The following RHAG variants were observed in gnomAD, a reference collection of about 807,000 sequenced individuals.
RHAG encodes ammonium transporter Rh type A.
RHAG carries 25 observed loss-of-function variants against 42.4 expected under a neutral mutation model. The observed-to-expected ratio is 0.59, with a 90% CI of 0.43 to 0.82. The LOEUF is 0.82. RHAG is among the 40% of genes least tolerant of loss of function. The pLI, the probability that RHAG is intolerant of heterozygous loss-of-function variation, is 0.00. For synonymous variants in RHAG, 182 were observed against 177.7 expected (o/e 1.02, Z -0.19); for missense variants, 483 against 504.6 (o/e 0.96, Z 0.41).
At chr6:49,618,004 A>G (rs2127353224) in intron 3 of RHAG, 64 bp downstream of exon 3, 1 of 1,476,418 alleles carries the variant, frequency 6.8e-7, no homozygotes, top group Non-Finnish European at 9.4e-7. Context: ...GTAGACACCC[A>G]TTGTTTTTTT....
chr6:49,634,966 G>GTACACC (rs760780105), intron 1 of RHAG, among the ~76,000 whole-genome samples: 1 of 144,690 alleles, frequency 6.9e-6, no homozygotes, highest in Non-Finnish European at 1.5e-5. Flanking sequence ...CTGTGTGTGT[G>GTACACC]TGTGTGTGTG....
intron 9 of RHAG, 64 bp from the exon 10 acceptor site, chr6:49,605,894 A>G: frequency 1.5e-6 from 2 of 1,298,852 alleles, no homozygotes; most frequent in South Asian, 1.2e-5. Context: ...AGAAATTAGT[A>G]TTGAAACAAA....
At chr6:49,623,846 C>T (rs1160069089) in intron 1 of RHAG, among the ~76,000 whole-genome samples, 2 of 152,180 alleles carry the variant, frequency 1.3e-5, no homozygotes, top group Non-Finnish European at 2.9e-5. Context: ...TTTCTTTAAA[C>T]ATTTTAGACC....
At chr6:49,612,241 C>T (rs1762580623) in intron 6 of RHAG, among the ~76,000 whole-genome samples, 156 bp downstream of exon 6, 1 of 152,132 alleles carries the variant, frequency 6.6e-6, no homozygotes, top group African/African-American at 2.4e-5. Context: ...ACCACTGAAC[C>T]ACTGAAATGG....
At chr6:49,607,246 A>C (rs375376615) in intron 7 of RHAG, 26 bp from the exon 8 acceptor site, 2 of 1,596,036 alleles carry the variant, frequency 1.3e-6, no homozygotes, top group East Asian at 2.2e-5. Flanking sequence ...AAAAAGAATC[A>C]GTGTCTTTCC....
intron 2 of RHAG, 87 bp downstream of exon 2, chr6:49,619,092 C>A (rs1762706917): frequency 1.4e-6 from 2 of 1,456,996 alleles, no homozygotes; most frequent in Admixed American, 3.6e-5. Flanking sequence ...AGTCCCCCAC[C>A]TCTTAATATC....
intron 1 of RHAG, chr6:49,632,212 G>A (rs1762945741): frequency 1.3e-5 from 2 of 152,048 alleles, no homozygotes; most frequent in South Asian, 4.2e-4. Flanking sequence ...TGGTATCTCA[G>A]AAAAAAAGCA....
chr6:49,605,657 T>C lies in RHAG; in HGVS notation c.*156A>G. On this transcript the variant is annotated 3_prime_UTR_variant, in exon 10 of 10. Coordinates refer to ENST00000371175, the MANE Select transcript of RHAG (RefSeq NM_000324.3). The stretch of plus-strand genomic sequence containing the variant: ...CACTGGCCATTTGGGACTTAGGATC[T>C]ATTCACTCTGGTCCATACTCTCTTT... 1 of 757,172 alleles carries C rather than the reference T, an allele frequency of 1.3e-6. No individual in the cohort carries two copies. The highest frequency in any genetic ancestry group is 2.4e-6 in the Non-Finnish European group (1 of 413,128). The allele number at this position is 757,172 out of a possible 1,614,324, so 46.9% of individuals were successfully genotyped here.
chr6:49,618,013 T>C, intron 3 of RHAG, 55 bp downstream of exon 3: 1 of 1,551,826 alleles, frequency 6.4e-7, no homozygotes, highest in Middle Eastern at 1.7e-4. Flanking sequence ...CATTGTTTTT[T>C]TGTAGCCAGA....
chr6:49,614,728 C>A lies in RHAG; in HGVS notation c.766G>T (p.Ala256Ser). The A allele has an allele frequency of 6.2e-7, 1 of 1,613,996 alleles. No individual in the cohort carries two copies. The highest frequency in any genetic ancestry group is 8.5e-7 in the Non-Finnish European group (1 of 1,180,002). ...CGGTGCTCCACTAGGCTGGAGAAGG[C>A]AAAGGCTGTGAGCACACAGGCAGCG... ...SLAACVLTAF[A>S]FSSLVEHRGK... The change falls in exon 5 of 10, where the codon GCC becomes TCC. Residue 256 changes from alanine to serine, a missense_variant. Ala to Ser is a moderately conservative substitution (Grantham distance 99). Transcript: ENST00000371175.
Position 49,622,435 on chromosome 6 carries a change from C to T in RHAG, c.158-3073G>A, listed in dbSNP as rs182452305. 3.7e-3 allele frequency among the ~76,000 whole-genome samples: 568 copies of T among 152,276 alleles called. 4 individuals carry two copies. Among genetic ancestry groups the T allele is most frequent in the African/African-American group, 0.013 (545 of 41,556 alleles). ...CCATGTTGGTCAGGCTGGTCTCGAACTCCTGACCTTGTGATCCACCCTCCT... is the reference window on the plus strand; with the variant it reads ...CCATGTTGGTCAGGCTGGTCTCGAATTCCTGACCTTGTGATCCACCCTCCT... On this transcript the variant is annotated intron_variant, in intron 1 of 9. Coordinates refer to ENST00000371175, the MANE Select transcript of RHAG (RefSeq NM_000324.3).
chr6:49,622,991 A>G (rs551021037), intron 1 of RHAG, among the ~76,000 whole-genome samples: 3 of 151,060 alleles, frequency 2.0e-5, no homozygotes, highest in South Asian at 2.1e-4. Flanking sequence ...GTCCGCCACT[A>G]CGCCTGGCTA....
In RHAG at chr6:49,624,837, C is replaced by T. The variant is rs542756452; in HGVS notation, c.158-5475G>A. 4.6e-5 allele frequency among the ~76,000 whole-genome samples: 7 copies of T among 152,292 alleles called. No homozygotes were observed. The East Asian group carries it at 1.4e-3, about 29-fold the overall frequency. On this transcript the variant is annotated intron_variant, in intron 1 of 9. Transcript: ENST00000371175. ...GACTATCACATGTAGGATCAATCTT[C>T]AGGGAGACCACAATATTTAGCCGTT...
chr6:49,608,678 A>G (rs966031706), intron 7 of RHAG, among the ~76,000 whole-genome samples: 1 of 152,158 alleles, frequency 6.6e-6, no homozygotes, highest in African/African-American at 2.4e-5. Context: ...TGTCCGGTCT[A>G]TATACTTCTT....
chr6:49,611,265 T>A (rs1762564675), intron 6 of RHAG, 120 bp from the exon 7 acceptor site: 3 of 755,688 alleles, frequency 4.0e-6, no homozygotes, highest in Admixed American at 2.6e-5. Flanking sequence ...ATAAATAATT[T>A]TTATGTATAT....
Position 49,615,729 on chromosome 6 carries a change from C to T in RHAG, c.535G>A (p.Ala179Thr). Residue 179 changes from alanine (A) to threonine (T), a missense_variant, in exon 4 of 10, where the codon GCC (alanine) becomes ACC (threonine). Transcript: ENST00000371175. ...CCTGCTACAGCCAAGCCAAAGTAGGCCCCAAAGGCATGGATCGTCATTGAT... is the reference window on the plus strand; with the variant it reads ...CCTGCTACAGCCAAGCCAAAGTAGGTCCCAAAGGCATGGATCGTCATTGAT... ...GASMTIHAFGAYFGLAVAGIL... is the reference protein window; with the variant it reads ...GASMTIHAFGTYFGLAVAGIL... 6.2e-7 allele frequency: 1 copy of T among 1,614,126 alleles called. No individual in the cohort carries two copies. Among genetic ancestry groups the T allele is most frequent in the Non-Finnish European group, 8.5e-7 (1 of 1,180,008 alleles).
In RHAG at chr6:49,614,848, G is replaced by C; in HGVS notation, c.646C>G (p.Leu216Val). The C allele has an allele frequency of 6.2e-7, 1 of 1,614,218 alleles. No individual in the cohort carries two copies. Among genetic ancestry groups the C allele is most frequent in the South Asian group, 1.1e-5 (1 of 91,086 alleles). The change falls in exon 5 of 10, where the codon CTC becomes GTC. Residue 216 changes from leucine to valine, a missense_variant. Transcript: ENST00000371175. The stretch of plus-strand genomic sequence containing the variant: ...CTGGGCCAAAACATCCACAGAAAGA[G>C]AGTCCCTGTAGTGAACCAAAAGAGG... Reference protein sequence around the residue: ...YSDLFAMIGTLFLWMFWPSFN... With the variant: ...YSDLFAMIGTVFLWMFWPSFN...
At chr6:49,615,914 G>A in intron 3 of RHAG, 143 bp from the exon 4 acceptor site, 3 of 784,638 alleles carry the variant, frequency 3.8e-6, no homozygotes, top group Non-Finnish European at 6.4e-6. Context: ...AGAGAAAGGG[G>A]GGTAAAACAG....
intron 5 of RHAG, among the ~76,000 whole-genome samples, chr6:49,614,359 A>ATTTTTTTT (rs531446812): frequency 7.1e-6 from 1 of 141,288 alleles, no homozygotes. Flanking sequence ...CGCCTGGCTA[A>ATTTTTTTT]TTTTTTTTTT....
Sources: allele counts gnomAD v4.1 joint callset (sites outside exome capture counted in the v4.1 genomes callset), GRCh38; gene constraint gnomAD v4.1.1; transcripts MANE v1.5; gene names NCBI Gene and HGNC (gene_info 2026-07-23, HGNC 2026-07-21).